PSMC3IP: variants seen among roughly 807,000 people sequenced by gnomAD.
PSMC3IP encodes PSMC3 interacting protein.
Under a neutral mutation model 34.9 loss-of-function variants are expected in PSMC3IP, and 26 were observed. The ratio of observed to expected loss-of-function variants is 0.74; its 90% CI spans 0.55 to 1.03. The LOEUF (loss-of-function observed/expected upper bound fraction) is 1.03, where lower values mean the gene tolerates loss of function less well. Among genes scored for constraint, PSMC3IP ranks in the 50% least tolerant of loss-of-function variants. The pLI, the probability that PSMC3IP is intolerant of heterozygous loss-of-function variation, is 0.00. For missense variants in PSMC3IP, 250 were observed against 263.1 expected (o/e 0.95, Z 0.34); for synonymous variants, 87 against 96.5 (o/e 0.90, Z 0.57).
At chr17:42,574,677 C>T (rs190117066) in intron 3 of PSMC3IP, among the ~76,000 whole-genome samples, 10 of 151,380 alleles carry the variant, frequency 6.6e-5, no homozygotes, top group Non-Finnish European at 1.0e-4. Flanking sequence ...CTTCCTCTCT[C>T]CCTCCTTCCT....
chr17:42,574,297 G>C (rs2093058782), intron 3 of PSMC3IP, 87 bp from the exon 4 acceptor site: 5 of 1,551,140 alleles, frequency 3.2e-6, no homozygotes, highest in Non-Finnish European at 4.4e-6. Flanking sequence ...ATTTGGATAT[G>C]CTCAGGAACC....
intron 4 of PSMC3IP, 75 bp downstream of exon 4, chr17:42,574,024 C>T (rs1353358052): frequency 6.3e-7 from 1 of 1,588,294 alleles, no homozygotes; most frequent in South Asian, 1.1e-5. Flanking sequence ...GTCATTGAAC[C>T]ATTCATTTAG....
intron 3 of PSMC3IP, among the ~76,000 whole-genome samples, chr17:42,575,895 C>T (rs1327614248): frequency 6.6e-6 from 1 of 151,172 alleles, no homozygotes; most frequent in East Asian, 1.9e-4. Flanking sequence ...TGGCGGGTGC[C>T]TGTAGTCCCA....
At chr17:42,577,752 G>C, upstream of PSMC3IP, 1 of 1,593,644 alleles carries the variant, frequency 6.3e-7, no homozygotes, top group Non-Finnish European at 8.6e-7. Context: ...GGCTCCTTCC[G>C]GCGACGGGGG....
At position 42,572,743 on chromosome 17, in the gene PSMC3IP, A is replaced by C. The variant is rs1183160341; in HGVS notation, c.*225T>G. ...TGTTCCAAGTCTAAATGTTAACCTC[A>C]AGCTACTGCAATTTAGACAATGAAA... On this transcript the variant is annotated 3_prime_UTR_variant, in exon 8 of 8. Transcript: ENST00000393795. The C allele has an allele frequency of 1.5e-6, 1 of 662,638 alleles. No homozygotes were observed. The highest frequency in any genetic ancestry group is 2.0e-5 in the Admixed American group (1 of 48,884). The allele number at this position is 662,638 out of a possible 1,614,324, so 41.0% of individuals were successfully genotyped here.
At chr17:42,577,153 G>A (rs1389666695) in intron 3 of PSMC3IP, 60 bp downstream of exon 3, 3 of 1,611,994 alleles carry the variant, frequency 1.9e-6, no homozygotes, top group Non-Finnish European at 2.5e-6. Flanking sequence ...GTTCACACCA[G>A]GAGTAGATTC....
At position 42,573,350 on chromosome 17, in the gene PSMC3IP, CCT is replaced by C. The variant is rs1203818759; in HGVS notation, c.496_497del (p.Arg166AlafsTer5). ...PEEKEQVYRERQKYCKEWRKR... is the reference protein window; with the variant it reads ...PEEKEQVYREXQKYCKEWRKR... ...TCCTCCACTCCTTACAGTACTTCTG[CCT>C]CTCTCTGTACACCTAGAAGGAAAAA... On this transcript the variant is annotated frameshift_variant, in exon 6 of 8. Transcript: ENST00000393795. LOFTEE classifies it high-confidence loss of function. The C allele has an allele frequency of 5.6e-6, 9 of 1,614,000 alleles. No individual in the cohort carries two copies. Among genetic ancestry groups the C allele is most frequent in the East Asian group, 4.5e-5 (2 of 44,902 alleles).
In PSMC3IP at chr17:42,573,499, C is replaced by T. The variant is rs1218461205; in HGVS notation, c.462G>A (p.Val154=). Residue 154 remains valine, a synonymous_variant, in exon 5 of 8, where the codon GTG becomes GTA. Transcript: ENST00000393795. ...TCACCTGCTCTTTCTCTTCTGGAGT[C>T]ACATGATTGGTAGCTGCTTTAATGT... The part of the protein sequence containing the change: ...LKNIKAATNH[V]TPEEKEQVYR... 1 of 1,614,130 alleles carries T rather than the reference C, an allele frequency of 6.2e-7. No individual in the cohort carries two copies. The highest frequency in any genetic ancestry group is 1.3e-5 in the African/African-American group (1 of 74,940).
intron 3 of PSMC3IP, among the ~76,000 whole-genome samples, chr17:42,576,278 C>T (rs916758043): frequency 2.2e-4 from 34 of 152,068 alleles, no homozygotes; most frequent in African/African-American, 6.8e-4. Flanking sequence ...CTGGCTGGGG[C>T]GTCTTCCGGT....
At chr17:42,573,939 CGTTA>C (rs1567913128) in intron 4 of PSMC3IP, 156 bp downstream of exon 4, 12 of 1,534,196 alleles carry the variant, frequency 7.8e-6, no homozygotes, top group African/African-American at 1.4e-5. Flanking sequence ...ACACAAAAGC[CGTTA>C]GTTATCCTAC....
Position 42,572,491 on chromosome 17 carries a change from G to C in PSMC3IP, c.*477C>G. The C allele has an allele frequency of 2.2e-6, 1 of 454,304 alleles. No homozygotes were observed. The highest frequency in any genetic ancestry group is 4.4e-6 in the Non-Finnish European group (1 of 226,740). The allele number at this position is 454,304 out of a possible 1,614,324, so 28.1% of individuals were successfully genotyped here. Reference sequence around the variant, plus strand: ...GGGGTGGGGTGAAAAGCGTACAAAAGATACTTAAAAGGGCTCCTGGGGTAC... The same window carrying C: ...GGGGTGGGGTGAAAAGCGTACAAAACATACTTAAAAGGGCTCCTGGGGTAC... On this transcript the variant is annotated 3_prime_UTR_variant, in exon 8 of 8. Coordinates refer to ENST00000393795, the MANE Select transcript of PSMC3IP (RefSeq NM_016556.4).
At chr17:42,573,762 ATTC>A in intron 4 of PSMC3IP, 139 bp from the exon 5 acceptor site, 3 of 1,497,558 alleles carry the variant, frequency 2.0e-6, no homozygotes, top group Non-Finnish European at 2.7e-6. Flanking sequence ...AGGATTATTT[ATTC>A]TTCTAATTTT....
At chr17:42,573,872 C>T (rs1484348538) in intron 4 of PSMC3IP, 3 of 1,531,778 alleles carry the variant, frequency 2.0e-6, no homozygotes, top group South Asian at 2.4e-5. Flanking sequence ...AACGTGGGGA[C>T]AGTGTACTGA....
rs763943242 is a variant in PSMC3IP at position 42,572,328 on chromosome 17, T to A, written c.*640A>T. ...ACAGCACTACATATTGGAAATTTTT[T>A]ATTTTTCTAAATACCAATGCAGTTT... On this transcript the variant is annotated 3_prime_UTR_variant, in exon 8 of 8. Transcript: ENST00000393795. 2.0e-5 allele frequency: 9 copies of A among 454,172 alleles called. No individual in the cohort carries two copies. The highest frequency in any genetic ancestry group is 6.9e-4 in the Middle Eastern group (1 of 1,444). 28.1% of individuals were successfully genotyped at this position (454,172 alleles called of 1,614,324 possible).
At chr17:42,574,926 G>C (rs756501174) in intron 3 of PSMC3IP, among the ~76,000 whole-genome samples, 2 of 152,058 alleles carry the variant, frequency 1.3e-5, no homozygotes, top group African/African-American at 2.4e-5. Flanking sequence ...GCTAATTTTT[G>C]TATTTTTAGT....
rs141194077 is a variant in PSMC3IP at position 42,573,152 on chromosome 17, A to G, written c.552T>C (p.Ser184=). 15 of 1,614,260 alleles carry G rather than the reference A, an allele frequency of 9.3e-6. No homozygotes were observed. The highest frequency in any genetic ancestry group is 1.1e-5 in the Non-Finnish European group (13 of 1,180,048). Residue 184 remains serine (S), a synonymous_variant, in exon 7 of 8, where the codon TCT becomes TCC. Transcript: ENST00000393795. ...RKRKRMATEL[S]DAILEGYPKS... ...TGGGGTATCCTTCAAGTATTGCATC[A>G]GACAGCTCTGTAGCCTGACAAGAAA...
Position 42,573,458 on chromosome 17 carries a change from C to G in PSMC3IP, c.483+20G>C, listed in dbSNP as rs752979717. 2 of 1,614,246 alleles carry G rather than the reference C, an allele frequency of 1.2e-6. No homozygotes were observed. The highest frequency in any genetic ancestry group is 1.7e-6 in the Non-Finnish European group (2 of 1,180,046). Reference sequence around the variant, plus strand: ...GTTCACTCTGGACCTGCACAGCGGTCCTACAGCCTTCCAGCTCACCTGCTC... The same window carrying G: ...GTTCACTCTGGACCTGCACAGCGGTGCTACAGCCTTCCAGCTCACCTGCTC... On this transcript the variant is annotated intron_variant, in intron 5 of 7. Coordinates refer to ENST00000393795, the MANE Select transcript of PSMC3IP (RefSeq NM_016556.4).
At chr17:42,576,459 C>T (rs867610150) in intron 3 of PSMC3IP, among the ~76,000 whole-genome samples, 5 of 151,922 alleles carry the variant, frequency 3.3e-5, no homozygotes, top group African/African-American at 9.7e-5. Context: ...ATAAAGAGGG[C>T]GTGAACTAGA....
intron 3 of PSMC3IP, 200 bp from the exon 4 acceptor site, chr17:42,574,410 GAAAA>G: frequency 7.5e-7 from 1 of 1,331,058 alleles, no homozygotes; most frequent in Non-Finnish European, 9.8e-7. Context: ...AGGTAGGAAA[GAAAA>G]GCTGAAATCT....
Sources: gnomAD v4.1 joint callset for allele counts (sites outside exome capture counted in the v4.1 genomes callset) on GRCh38, gnomAD v4.1.1 for gene constraint, MANE v1.5 for transcripts, NCBI Gene and HGNC (gene_info 2026-07-23, HGNC 2026-07-21) for gene names.